CCNF: variants seen among roughly 807,000 people sequenced by gnomAD.
CCNF encodes the protein cyclin F, also known as cyclin-F.
A neutral mutation model predicts 85.4 loss-of-function variants in CCNF; 30 were observed. The ratio of observed to expected loss-of-function variants is 0.35; its 90% CI spans 0.26 to 0.48. The LOEUF is 0.48. Ranked by LOEUF, CCNF falls within the 20% of genes least tolerant of loss-of-function variation. The probability of loss-of-function intolerance (pLI) is 0.99; values close to 1 mark genes in which losing one functional copy is unlikely to be tolerated. For missense variants in CCNF, 919 were observed against 1,010.4 expected, an observed-to-expected ratio of 0.91 and a Z score of 1.23; for synonymous variants, 439 against 425.1, an observed-to-expected ratio of 1.03 and a Z score of -0.40.
At chr16:2,436,113 A>G (rs2065289866) in intron 4 of CCNF, 1 of 427,718 alleles carries the variant, frequency 2.3e-6, no homozygotes, top group East Asian at 3.9e-5. Context: ...CTTTAATTTC[A>G]GTTGGCAAAG....
chr16:2,441,949 AT>A lies in CCNF; in HGVS notation c.778-1699del, dbSNP rs1406505498. Among the ~76,000 whole-genome samples, 3 of 71,782 alleles carry A rather than the reference AT, an allele frequency of 4.2e-5. No individual in the cohort carries two copies. In the East Asian group the frequency reaches 1.1e-3, roughly 27 times the overall value. 47.1% of individuals were successfully genotyped at this position (71,782 alleles called of 152,430 possible). On this transcript the variant is annotated intron_variant, in intron 8 of 16. Coordinates refer to ENST00000397066, the MANE Select transcript of CCNF (RefSeq NM_001761.3). ...TGATATTAGCAAATTATATATATAT[AT>A]ATATATATATATATATATATATATA... is the stretch of plus-strand genomic sequence containing the variant.
In CCNF at chr16:2,449,222, C is replaced by T. The variant is rs530559226; in HGVS notation, c.1219-60C>T. ...CCAGACCCTGCGCTGGGCCTGCATGCGGCACTGCACCAAGGAGCCCCCGAG... is the reference window on the plus strand; with the variant it reads ...CCAGACCCTGCGCTGGGCCTGCATGTGGCACTGCACCAAGGAGCCCCCGAG... On this transcript the variant is annotated intron_variant, in intron 11 of 16. Transcript: ENST00000397066. 525 of 1,569,816 alleles carry T rather than the reference C, an allele frequency of 3.3e-4. 5 individuals are homozygous for T. In the South Asian group the frequency reaches 5.3e-3, roughly 16 times the overall value.
In CCNF at chr16:2,456,856, G is replaced by A. The variant is rs753565485; in HGVS notation, c.2197G>A (p.Asp733Asn). The A allele has an allele frequency of 6.2e-7, 1 of 1,614,044 alleles. No individual in the cohort carries two copies. The highest frequency in any genetic ancestry group is 1.7e-5 in the Admixed American group (1 of 60,024). ...QPTSVLSLDS[D>N]SHTQPCHHQA... Reference sequence around the variant, plus strand: ...TACCTCAGTGCTGTCCCTGGACAGTGACTCGCACACACAGCCCTGCCACCA... The same window carrying A: ...TACCTCAGTGCTGTCCCTGGACAGTAACTCGCACACACAGCCCTGCCACCA... The change falls in exon 17 of 17, where the codon GAC becomes AAC. Residue 733 changes from aspartate to asparagine, a missense_variant. Physicochemically the swap from Asp to Asn is conservative, Grantham distance 23. Coordinates refer to ENST00000397066, the MANE Select transcript of CCNF (RefSeq NM_001761.3). The surrounding 1 kb of genome is among the most constrained non-coding windows in gnomAD (Gnocchi z 4.5).
chr16:2,435,795 T>C lies in CCNF; in HGVS notation c.279-11T>C. 6.2e-7 allele frequency: 1 copy of C among 1,611,202 alleles called. No individual in the cohort carries two copies. The highest frequency in any genetic ancestry group is 8.5e-7 in the Non-Finnish European group (1 of 1,177,626). On this transcript the variant is annotated splice_polypyrimidine_tract_variant and intron_variant, in intron 3 of 16. Transcript: ENST00000397066. Reference sequence around the variant, plus strand: ...AAAATATTGTGATGCTTTATGTTCTTAATGTTTCAGGGCTGCTGAAAAGGG... The same window carrying C: ...AAAATATTGTGATGCTTTATGTTCTCAATGTTTCAGGGCTGCTGAAAAGGG...
chr16:2,456,282 G>C lies in CCNF; in HGVS notation c.1886-263G>C. The stretch of plus-strand genomic sequence containing the variant: ...AGCCCAGTTAGTGTGAGTCCTGTCA[G>C]TTTCCCGGTTGCTTGCTTCTGCGTC... On this transcript the variant is annotated intron_variant, in intron 16 of 16. Transcript: ENST00000397066. The surrounding 1 kb of genome is among the most constrained non-coding windows in gnomAD (Gnocchi z 4.5). The C allele has an allele frequency of 2.3e-6, 1 of 430,538 alleles. No individual in the cohort carries two copies. Among genetic ancestry groups the C allele is most frequent in the Non-Finnish European group, 4.1e-6 (1 of 241,976 alleles). 26.7% of individuals were successfully genotyped at this position (430,538 alleles called of 1,614,324 possible).
intron 8 of CCNF, among the ~76,000 whole-genome samples, chr16:2,440,030 G>A (rs113200947): frequency 1.3e-5 from 2 of 152,194 alleles, no homozygotes; most frequent in Admixed American, 6.5e-5. Context: ...TGGGAAATGC[G>A]TTATTCATCT....
intron 12 of CCNF, 71 bp downstream of exon 12, chr16:2,449,533 G>GA: frequency 6.9e-7 from 1 of 1,453,850 alleles, no homozygotes. Flanking sequence ...CTGTGGGGAG[G>GA]AAAAGAGTCC....
Position 2,448,900 on chromosome 16 carries a change from C to T in CCNF, c.1140C>T (p.Leu380=), listed in dbSNP as rs755577885. The T allele has an allele frequency of 1.0e-4, 167 of 1,613,870 alleles. No homozygotes were observed. The highest frequency in any genetic ancestry group is 1.7e-6 in the Non-Finnish European group (2 of 1,179,846). ...EILTIREAVW[L]TDNTYKYEDL... ...TGACCATCCGGGAGGCCGTATGGCT[C>T]ACGGACAACACTTACAAGTACGAGG... The change falls in exon 11 of 17, where the codon CTC becomes CTT. Residue 380 remains leucine (L), a synonymous_variant. Transcript: ENST00000397066.
intron 9 of CCNF, among the ~76,000 whole-genome samples, chr16:2,445,061 C>A (rs1351020226): frequency 6.6e-6 from 1 of 152,104 alleles, no homozygotes; most frequent in East Asian, 1.9e-4. Flanking sequence ...AGGCATTTAC[C>A]ATATTGGGGC....
At position 2,449,823 on chromosome 16, in the gene CCNF, C is replaced by T. The variant is rs373388890; in HGVS notation, c.1400-5C>T. 4.4e-6 allele frequency: 6 copies of T among 1,352,380 alleles called. No homozygotes were observed. The highest frequency in any genetic ancestry group is 6.1e-6 in the Non-Finnish European group (6 of 987,530). 83.8% of individuals were successfully genotyped at this position (1,352,380 alleles called of 1,614,324 possible). A position where few individuals can be genotyped will look rare whatever the true frequency, so the allele number is the denominator to read the frequency against. On this transcript the variant is annotated splice_region_variant and splice_polypyrimidine_tract_variant and intron_variant, in intron 12 of 16. Coordinates refer to ENST00000397066, the MANE Select transcript of CCNF (RefSeq NM_001761.3). ...CCTCCACCCCTGGCCTGCTTTCCTC[C>T]CCAGCACAGCCCTGGACCACTCAGC...
At chr16:2,441,977 A>ATATATATATC (rs1411330927) in intron 8 of CCNF, among the ~76,000 whole-genome samples, 5 of 95,856 alleles carry the variant, frequency 5.2e-5, no homozygotes, top group Non-Finnish European at 1.1e-4. Context: ...ATATATATAT[A>ATATATATATC]TATATGTTTT....
At position 2,443,790 on chromosome 16, in the gene CCNF, G is replaced by A. The variant is rs369725393; in HGVS notation, c.919G>A (p.Asp307Asn). ...CTTCTCCGTGCAGAAGGGACTCAATGACACAATGAGGTGAGGCATTCAGGC... is the reference window on the plus strand; with the variant it reads ...CTTCTCCGTGCAGAAGGGACTCAATAACACAATGAGGTGAGGCATTCAGGC... ...QVFSVQKGLN[D>N]TMRYILIDWL... Residue 307 changes from aspartate to asparagine, a missense_variant, in exon 9 of 17, where the codon GAC (aspartate) becomes AAC (asparagine). Around this residue, in one of 3 missense-constraint regions of CCNF, gnomAD observed 410 missense variants for 478.6 expected, o/e 0.86. Coordinates refer to ENST00000397066, the MANE Select transcript of CCNF (RefSeq NM_001761.3). 2 of 1,614,126 alleles carry A rather than the reference G, an allele frequency of 1.2e-6. No individual in the cohort carries two copies. The highest frequency in any genetic ancestry group is 1.7e-6 in the Non-Finnish European group (2 of 1,180,014).
intron 6 of CCNF, 90 bp from the exon 7 acceptor site, chr16:2,439,263 A>T (rs2065308255): frequency 9.0e-7 from 1 of 1,114,948 alleles, no homozygotes; most frequent in African/African-American, 1.5e-5. Flanking sequence ...GCGCCATTGC[A>T]CTCCAACCTG....
intron 1 of CCNF, among the ~76,000 whole-genome samples, chr16:2,430,448 G>A (rs2065256799): frequency 6.6e-6 from 1 of 152,142 alleles, no homozygotes; most frequent in African/African-American, 2.4e-5. Flanking sequence ...CCTGGTGGGT[G>A]GAATGCCCGT....
chr16:2,430,065 A>G (rs1170461996), intron 1 of CCNF, among the ~76,000 whole-genome samples: 1 of 152,164 alleles, frequency 6.6e-6, no homozygotes, highest in Admixed American at 6.5e-5. Context: ...GGTCTATAGA[A>G]TCTTTGAGAA....
chr16:2,445,218 G>A lies in CCNF; in HGVS notation c.930-240G>A, dbSNP rs369771851. On this transcript the variant is annotated intron_variant, in intron 9 of 16. Coordinates refer to ENST00000397066, the MANE Select transcript of CCNF (RefSeq NM_001761.3). ...TTGCGTCAGGTCGAGGTCTCAAAGC[G>A]CTTGTGTTTGGGAGCACCAGGAACA... Among the ~76,000 whole-genome samples, 8 of 152,278 alleles carry A rather than the reference G, an allele frequency of 5.3e-5. No individual in the cohort carries two copies. In the East Asian group the frequency reaches 7.7e-4, roughly 15 times the overall value.
intron 4 of CCNF, chr16:2,436,115 T>C: frequency 2.3e-6 from 1 of 427,852 alleles, no homozygotes; most frequent in East Asian, 3.9e-5. Flanking sequence ...TTAATTTCAG[T>C]TGGCAAAGAG....
intron 9 of CCNF, among the ~76,000 whole-genome samples, chr16:2,445,109 C>T (rs2065354218): frequency 6.6e-6 from 1 of 152,148 alleles, no homozygotes; most frequent in South Asian, 2.1e-4. Flanking sequence ...TGCGACTGTC[C>T]ACCTTCTCCC....
At chr16:2,442,969 TTA>T (rs1485345491) in intron 8 of CCNF, among the ~76,000 whole-genome samples, 33 of 103,364 alleles carry the variant, frequency 3.2e-4, no homozygotes, top group East Asian at 1.2e-3. Context: ...TTTTATATAT[TTA>T]TATATTATAT....
Sources: allele counts gnomAD v4.1 joint callset (sites outside exome capture counted in the v4.1 genomes callset), GRCh38; gene constraint gnomAD v4.1.1; regional missense constraint gnomAD v4.1.1; non-coding constraint Gnocchi (gnomAD v3.1); transcripts MANE v1.5; gene names NCBI Gene and HGNC (gene_info 2026-07-23, HGNC 2026-07-21).